NME7: variants seen among roughly 807,000 people sequenced by gnomAD.
NME7 encodes the protein NME/NM23 family member 7.
Under a neutral mutation model 49.1 loss-of-function variants are expected in NME7, and 41 were observed. The ratio of observed to expected loss-of-function variants is 0.83; its 90% CI spans 0.65 to 1.08. The LOEUF is 1.08. Ranked by LOEUF, NME7 falls within the 50% of genes least tolerant of loss-of-function variation. The pLI is 0.00. For synonymous variants in NME7, 139 were observed against 150.6 expected, an observed-to-expected ratio of 0.92 and a Z score of 0.56; for missense variants, 423 against 463.4, an observed-to-expected ratio of 0.91 and a Z score of 0.80.
intron 10 of NME7, among the ~76,000 whole-genome samples, chr1:169,192,781 A>G (rs1270099765): frequency 2.0e-5 from 3 of 152,164 alleles, no homozygotes; most frequent in Non-Finnish European, 4.4e-5. Context: ...GTACAAATAT[A>G]CAGCCTTCTG....
chr1:169,227,034 T>C (rs34323371), intron 10 of NME7, among the ~76,000 whole-genome samples: 12,596 of 152,246 alleles, frequency 0.083, 708 homozygotes, highest in Admixed American at 0.19. Context: ...ATTCTAGTCA[T>C]CTTTTTTATG....
chr1:169,337,707 T>C (rs1002881381), intron 1 of NME7, among the ~76,000 whole-genome samples: 3 of 152,244 alleles, frequency 2.0e-5, no homozygotes, highest in Non-Finnish European at 4.4e-5. Context: ...TTCACATTGC[T>C]TTACTTAGAT....
chr1:169,233,036 A>C (rs1056155600), intron 9 of NME7, among the ~76,000 whole-genome samples: 1 of 149,124 alleles, frequency 6.7e-6, no homozygotes, highest in Non-Finnish European at 1.5e-5. Context: ...CTCACGCCTC[A>C]GCCTCCTGAG....
chr1:169,339,174 C>T (rs991376881), intron 1 of NME7, among the ~76,000 whole-genome samples: 1 of 152,158 alleles, frequency 6.6e-6, no homozygotes, highest in African/African-American at 2.4e-5. Flanking sequence ...AAAAACTCCC[C>T]CCCAAACTCT....
At position 169,132,734 on chromosome 1, in the gene NME7, T is replaced by C. The variant is rs781531358; in HGVS notation, c.*51A>G. 1 of 1,546,858 alleles carries C rather than the reference T, an allele frequency of 6.5e-7. No individual in the cohort carries two copies. Among genetic ancestry groups the C allele is most frequent in the South Asian group, 1.1e-5 (1 of 88,386 alleles). On this transcript the variant is annotated 3_prime_UTR_variant, in exon 12 of 12. Coordinates refer to ENST00000367811, the MANE Select transcript of NME7 (RefSeq NM_013330.5). ...GAATGAACACATTCCTCGTGTGTGA[T>C]TCACTCTTGTCTAAATGTCCCAACC...
intron 1 of NME7, among the ~76,000 whole-genome samples, chr1:169,332,856 T>C (rs1200654096): frequency 2.0e-5 from 3 of 152,156 alleles, no homozygotes; most frequent in Non-Finnish European, 4.4e-5. Flanking sequence ...CAGGGGACCC[T>C]TGTACACTGT....
intron 3 of NME7, among the ~76,000 whole-genome samples, chr1:169,313,470 T>C (rs1483790629): frequency 2.0e-5 from 3 of 152,148 alleles, no homozygotes; most frequent in Admixed American, 1.3e-4. Flanking sequence ...CTTAGAATTT[T>C]TGAACTACCA....
intron 10 of NME7, among the ~76,000 whole-genome samples, chr1:169,200,398 G>T (rs190788124): frequency 1.4e-3 from 213 of 152,144 alleles, no homozygotes; most frequent in African/African-American, 4.9e-3. Context: ...AGCCAGTGAG[G>T]GTAAGAGACT....
At chr1:169,349,855 G>GTT (rs1475889155) in intron 1 of NME7, among the ~76,000 whole-genome samples, 1 of 152,128 alleles carries the variant, frequency 6.6e-6, no homozygotes. Context: ...AATTAGAATA[G>GTT]TTTTCTAAGC....
At chr1:169,342,172 T>C (rs909987819) in intron 1 of NME7, among the ~76,000 whole-genome samples, 8 of 152,054 alleles carry the variant, frequency 5.3e-5, no homozygotes, top group African/African-American at 1.7e-4. Flanking sequence ...AGGGACCTAG[T>C]GGGAGGTGAC....
rs1571335622 is a variant in NME7, at chr1:169,259,741, G to C, written c.755-22054C>G. Among the ~76,000 whole-genome samples, 2 of 133,738 alleles carry C rather than the reference G, an allele frequency of 1.5e-5. 1 individual carries two copies. The allele number at this position is 133,738 out of a possible 152,430, so 87.7% of individuals were successfully genotyped here. A position where few individuals can be genotyped will look rare whatever the true frequency, so the allele number is the denominator to read the frequency against. On this transcript the variant is annotated intron_variant, in intron 7 of 11. Transcript: ENST00000367811. The stretch of plus-strand genomic sequence containing the variant: ...TTTCATATATGAAACTTCATATTCT[G>C]ATTCAGCCCAATACTTAAATAAGAT...
intron 5 of NME7, chr1:169,302,307 C>T (rs1328385707): frequency 6.6e-6 from 1 of 152,052 alleles, no homozygotes; most frequent in Non-Finnish European, 1.5e-5. Context: ...ATGCACTTGC[C>T]TGTTCATTGC....
chr1:169,328,715 A>G lies in NME7; in HGVS notation c.4-4215T>C, dbSNP rs142078170. Among the ~76,000 whole-genome samples, 34 of 152,322 alleles carry G rather than the reference A, an allele frequency of 2.2e-4. No homozygotes were observed. In the East Asian group the frequency reaches 4.8e-3, roughly 22 times the overall value. ...AAATCAGAGCCAAAGTACAATTCTT[A>G]CCTTTTGGGGAGTTCAAACAGTTAT... On this transcript the variant is annotated intron_variant, in intron 1 of 11. Coordinates refer to ENST00000367811, the MANE Select transcript of NME7 (RefSeq NM_013330.5).
chr1:169,235,426 C>T (rs982844651), intron 8 of NME7, among the ~76,000 whole-genome samples: 2 of 152,118 alleles, frequency 1.3e-5, no homozygotes, highest in Middle Eastern at 3.4e-3. Context: ...TCATTTAGCC[C>T]TCACAACCAC....
intron 7 of NME7, among the ~76,000 whole-genome samples, chr1:169,274,369 C>CT (rs1449704544): frequency 7.5e-6 from 1 of 132,772 alleles, no homozygotes; most frequent in African/African-American, 2.5e-5. Flanking sequence ...GATATTAGCC[C>CT]TTTGTCAGAA....
chr1:169,212,903 A>G (rs1163078726), intron 10 of NME7, among the ~76,000 whole-genome samples: 1 of 152,102 alleles, frequency 6.6e-6, no homozygotes, highest in Non-Finnish European at 1.5e-5. Flanking sequence ...TGCTGGGATT[A>G]TAGGTGTGAG....
At chr1:169,249,349 G>A (rs1316553000) in intron 7 of NME7, among the ~76,000 whole-genome samples, 1 of 151,942 alleles carries the variant, frequency 6.6e-6, no homozygotes. Flanking sequence ...CTGAGACTAC[G>A]GAATTCATTT....
At chr1:169,336,115 G>A (rs549210891) in intron 1 of NME7, among the ~76,000 whole-genome samples, 1 of 152,080 alleles carries the variant, frequency 6.6e-6, no homozygotes, top group South Asian at 2.1e-4. Context: ...CAGGAGTGAA[G>A]CTGCAGACCT....
At chr1:169,331,826 A>AG (rs397715410) in intron 1 of NME7, among the ~76,000 whole-genome samples, 5 of 151,690 alleles carry the variant, frequency 3.3e-5, no homozygotes, top group African/African-American at 1.2e-4. Context: ...CAAAAAAAAA[A>AG]TGGGAAGCTA....
Sources: allele counts gnomAD v4.1 joint callset (sites outside exome capture counted in the v4.1 genomes callset), GRCh38; gene constraint gnomAD v4.1.1; transcripts MANE v1.5; gene names NCBI Gene and HGNC (gene_info 2026-07-23, HGNC 2026-07-21).